SSBP3: variants seen among roughly 807,000 people sequenced by gnomAD.
SSBP3 encodes the protein single stranded DNA binding protein 3.
Under a neutral mutation model 69.6 loss-of-function variants are expected in SSBP3, and 5 were observed. That is an observed-to-expected ratio of 0.07 (90% CI 0.04 to 0.15). The LOEUF (loss-of-function observed/expected upper bound fraction) is 0.15. SSBP3 is among the 10% of genes least tolerant of loss of function. The pLI is 1.00. For missense variants in SSBP3, 312 were observed against 534.0 expected, an observed-to-expected ratio of 0.58 and a Z score of 4.10; for synonymous variants, 196 against 193.4, an observed-to-expected ratio of 1.01 and a Z score of -0.11.
At chr1:54,249,269 G>A (rs1469669662) in intron 9 of SSBP3, among the ~76,000 whole-genome samples, 1 of 152,216 alleles carries the variant, frequency 6.6e-6, no homozygotes, top group Non-Finnish European at 1.5e-5. Flanking sequence ...CAGAAAAAGA[G>A]AAAGAAGAAG....
At chr1:54,256,945 C>T (rs907201893) in intron 7 of SSBP3, among the ~76,000 whole-genome samples, 182 bp downstream of exon 7, 3 of 152,138 alleles carry the variant, frequency 2.0e-5, no homozygotes, top group Admixed American at 6.5e-5. Flanking sequence ...GGTGAACTGC[C>T]GCACCATGGG....
At chr1:54,296,926 ACT>A (rs534734923) in intron 4 of SSBP3, among the ~76,000 whole-genome samples, 15 of 151,696 alleles carry the variant, frequency 9.9e-5, no homozygotes, top group African/African-American at 3.4e-4. Context: ...ACATCCTAAG[ACT>A]CTATGTAGGC....
intron 13 of SSBP3, among the ~76,000 whole-genome samples, chr1:54,240,101 T>C (rs1432383804): frequency 4.8e-3 from 34 of 7,138 alleles, no homozygotes; most frequent in Non-Finnish European, 6.5e-3. Context: ...CGCGCGCGCG[T>C]GTGCGTGCGC....
chr1:54,324,462 T>C (rs572768265), intron 4 of SSBP3, among the ~76,000 whole-genome samples: 2 of 140,798 alleles, frequency 1.4e-5, no homozygotes, highest in East Asian at 2.1e-4. Context: ...AGTGACCCCA[T>C]AGGCCAGAGC....
At chr1:54,336,929 G>T (rs1033917252) in intron 4 of SSBP3, among the ~76,000 whole-genome samples, 8 of 152,204 alleles carry the variant, frequency 5.3e-5, no homozygotes, top group Non-Finnish European at 1.0e-4. Flanking sequence ...CATGCCCAGG[G>T]TGTGACAGAG....
intron 4 of SSBP3, among the ~76,000 whole-genome samples, chr1:54,293,792 G>T (rs1031847090): frequency 6.6e-6 from 1 of 152,246 alleles, no homozygotes; most frequent in Non-Finnish European, 1.5e-5. Flanking sequence ...ACAGCACAGG[G>T]AAGATGCTGG....
chr1:54,345,999 ACAAAAC>A, intron 4 of SSBP3, among the ~76,000 whole-genome samples: 1 of 150,528 alleles, frequency 6.6e-6, no homozygotes, highest in African/African-American at 2.5e-5. Context: ...AAAAAAAAAA[ACAAAAC>A]AAAAACAATT....
At chr1:54,381,609 G>T (rs1371174664) in intron 4 of SSBP3, among the ~76,000 whole-genome samples, 1 of 152,128 alleles carries the variant, frequency 6.6e-6, no homozygotes, top group Non-Finnish European at 1.5e-5. Context: ...CCTCGGTGGG[G>T]CACCTTGCCG....
rs72665962 is a variant in SSBP3, at chr1:54,390,977, G to A, written c.276+10884C>T. On this transcript the variant is annotated intron_variant, in intron 4 of 17. Coordinates refer to ENST00000610401, the Ensembl canonical transcript of SSBP3. ...CTGGGCCATCTGCCCCCTCAGCACC[G>A]GCTGGATGGCCAAAGGCCACAGGAA... is the stretch of plus-strand genomic sequence containing the variant. Among the ~76,000 whole-genome samples the A allele has an allele frequency of 1.4e-3, 220 of 152,350 alleles. 1 individual carries two copies. Among genetic ancestry groups the A allele is most frequent in the Non-Finnish European group, 2.5e-3 (173 of 68,038 alleles).
intron 4 of SSBP3, among the ~76,000 whole-genome samples, chr1:54,321,060 GC>G (rs1646203293): frequency 6.6e-6 from 1 of 152,226 alleles, no homozygotes; most frequent in South Asian, 2.1e-4. Flanking sequence ...AGGCACAGTG[GC>G]CTAAGGGAAC....
intron 5 of SSBP3, among the ~76,000 whole-genome samples, chr1:54,280,741 G>T (rs80265892): frequency 0.14 from 20,742 of 152,182 alleles, 1,882 homozygotes; most frequent in Non-Finnish European, 0.2. Flanking sequence ...CAGAGAGGGT[G>T]GCAGCCGCGC....
At chr1:54,238,305 G>A (rs763981406) in intron 14 of SSBP3, 31 of 470,944 alleles carry the variant, frequency 6.6e-5, no homozygotes, top group Non-Finnish European at 1.1e-4. Context: ...CCAAAGCCTC[G>A]CACTTTAGGG....
At chr1:54,267,959 T>C (rs1195468856) in intron 5 of SSBP3, among the ~76,000 whole-genome samples, 3 of 152,192 alleles carry the variant, frequency 2.0e-5, no homozygotes, top group Non-Finnish European at 4.4e-5. Flanking sequence ...CTCAAACTCC[T>C]GAGCTCAAGC....
intron 4 of SSBP3, among the ~76,000 whole-genome samples, chr1:54,305,718 A>G (rs1645888219): frequency 6.6e-6 from 1 of 151,806 alleles, no homozygotes; most frequent in African/African-American, 2.4e-5. Flanking sequence ...TTGGCCTCCC[A>G]AAGTGCTAGG....
At chr1:54,372,505 C>G (rs1647151505) in intron 4 of SSBP3, among the ~76,000 whole-genome samples, 1 of 152,190 alleles carries the variant, frequency 6.6e-6, no homozygotes, top group Admixed American at 6.5e-5. Flanking sequence ...TGCCTGTGTT[C>G]CCCATGAGCA....
chr1:54,265,235 G>A (rs910392071), intron 5 of SSBP3, among the ~76,000 whole-genome samples: 5 of 152,172 alleles, frequency 3.3e-5, no homozygotes, highest in African/African-American at 7.2e-5. Context: ...AGTCTTTGGC[G>A]GAAACGTTAT....
intron 5 of SSBP3, among the ~76,000 whole-genome samples, chr1:54,276,742 C>T (rs1235625937): frequency 2.0e-5 from 3 of 151,566 alleles, no homozygotes; most frequent in Non-Finnish European, 4.4e-5. Context: ...CTGGCCAAGA[C>T]ATTATCCAGC....
chr1:54,402,702 A>C (rs1176934412), intron 3 of SSBP3, among the ~76,000 whole-genome samples: 1 of 152,202 alleles, frequency 6.6e-6, no homozygotes, highest in Non-Finnish European at 1.5e-5. Context: ...AAAGGGAAAG[A>C]AGGAAGCAGG....
At chr1:54,400,053 C>T (rs761869017) in intron 4 of SSBP3, among the ~76,000 whole-genome samples, 8 of 152,208 alleles carry the variant, frequency 5.3e-5, no homozygotes, top group Non-Finnish European at 1.2e-4. Context: ...TCAACGCCAA[C>T]CTCAGTGATC....
Sources: allele counts gnomAD v4.1 joint callset (sites outside exome capture counted in the v4.1 genomes callset), GRCh38; gene constraint gnomAD v4.1.1; transcripts MANE v1.5; gene names NCBI Gene and HGNC (gene_info 2026-07-23, HGNC 2026-07-21).